TIAM1: variants seen among roughly 807,000 people sequenced by gnomAD.
TIAM1 encodes rho guanine nucleotide exchange factor TIAM1.
TIAM1 carries 65 observed loss-of-function variants against 163.5 expected under a neutral mutation model. The ratio of observed to expected loss-of-function variants is 0.40; its 90% CI spans 0.33 to 0.49. The LOEUF is 0.49. TIAM1 is among the 20% of genes least tolerant of loss of function. The pLI, the probability that TIAM1 is intolerant of heterozygous loss-of-function variation, is 0.77. For missense variants in TIAM1, 1,789 were observed against 2,044.7 expected, an observed-to-expected ratio of 0.87 and a Z score of 2.41; for synonymous variants, 833 against 810.1, an observed-to-expected ratio of 1.03 and a Z score of -0.48.
chr21:31,190,373 C>A (rs1038953222), intron 13 of TIAM1, among the ~76,000 whole-genome samples: 9 of 152,136 alleles, frequency 5.9e-5, no homozygotes, highest in African/African-American at 2.2e-4. Flanking sequence ...GATCCCACCA[C>A]TGCATTCCAG....
intron 1 of TIAM1, among the ~76,000 whole-genome samples, chr21:31,496,170 A>G (rs2046633727): frequency 6.6e-6 from 1 of 151,960 alleles, no homozygotes; most frequent in Admixed American, 6.6e-5. Flanking sequence ...AAAGTAGAAA[A>G]AAGTGTACAG....
At chr21:31,306,199 G>C (rs1009631282) in intron 2 of TIAM1, among the ~76,000 whole-genome samples, 1 of 152,050 alleles carries the variant, frequency 6.6e-6, no homozygotes, top group Non-Finnish European at 1.5e-5. Context: ...GAGGAGGATT[G>C]CTCGAGCCCA....
chr21:31,161,792 C>T (rs757893284), intron 16 of TIAM1, among the ~76,000 whole-genome samples: 18 of 152,118 alleles, frequency 1.2e-4, no homozygotes, highest in Non-Finnish European at 1.9e-4. Flanking sequence ...ATCATGCTTC[C>T]GAGTTTAGAC....
chr21:31,350,396 G>A (rs1472248409), intron 2 of TIAM1, among the ~76,000 whole-genome samples: 1 of 152,138 alleles, frequency 6.6e-6, no homozygotes, highest in Non-Finnish European at 1.5e-5. Flanking sequence ...AATGACGCTG[G>A]CTAAGAAGGT....
At chr21:31,247,451 G>C (rs2071566409) in intron 5 of TIAM1, among the ~76,000 whole-genome samples, 1 of 152,016 alleles carries the variant, frequency 6.6e-6, no homozygotes, top group African/African-American at 2.4e-5. Context: ...CTGGAGTACA[G>C]TGGCACAATC....
chr21:31,233,889 C>A (rs1235760750), intron 6 of TIAM1, among the ~76,000 whole-genome samples: 1 of 152,182 alleles, frequency 6.6e-6, no homozygotes, highest in Admixed American at 6.5e-5. Flanking sequence ...CAGATGGCAG[C>A]CTGCCTGAGG....
chr21:31,504,870 A>C (rs2046975022), intron 1 of TIAM1, among the ~76,000 whole-genome samples: 1 of 152,326 alleles, frequency 6.6e-6, no homozygotes, highest in South Asian at 2.1e-4. Context: ...CCAGAAGCTA[A>C]GAACTTGACA....
At chr21:31,172,992 G>A (rs1327713324) in intron 15 of TIAM1, among the ~76,000 whole-genome samples, 3 of 152,122 alleles carry the variant, frequency 2.0e-5, no homozygotes, top group Non-Finnish European at 4.4e-5. Flanking sequence ...CTGCAAAAAC[G>A]TTTGCAATCA....
intron 2 of TIAM1, among the ~76,000 whole-genome samples, chr21:31,373,401 G>A (rs1300813233): frequency 6.6e-6 from 1 of 152,068 alleles, no homozygotes; most frequent in Non-Finnish European, 1.5e-5. Flanking sequence ...CACATGGCTG[G>A]GGAGGCCTCA....
intron 1 of TIAM1, among the ~76,000 whole-genome samples, chr21:31,508,913 T>C (rs1270381800): frequency 1.3e-5 from 2 of 152,158 alleles, no homozygotes; most frequent in Non-Finnish European, 2.9e-5. Flanking sequence ...TATGACTTGC[T>C]GCAGGACATT....
chr21:31,414,776 G>A (rs1204725032), intron 2 of TIAM1, among the ~76,000 whole-genome samples: 5 of 152,156 alleles, frequency 3.3e-5, no homozygotes, highest in East Asian at 1.9e-4. Flanking sequence ...TTTCCTCAGC[G>A]GGCAAAAACC....
Position 31,195,225 on chromosome 21 carries a change from G to C in TIAM1, c.2574C>G (p.Tyr858Ter). The C allele has an allele frequency of 6.2e-7, 1 of 1,607,616 alleles. No homozygotes were observed. The highest frequency in any genetic ancestry group is 8.5e-7 in the Non-Finnish European group (1 of 1,175,264). Residue 858 changes from tyrosine to a stop codon, truncating the protein, a stop_gained and splice_region_variant, in exon 13 of 28, where the codon TAC becomes TAG. Coordinates refer to ENST00000541036, the MANE Select transcript of TIAM1 (RefSeq NM_001353694.2). LOFTEE classifies it high-confidence loss of function. The stretch of plus-strand genomic sequence containing the variant: ...ACAAACAAAGAAAAATAAACTTACC[G>C]TAAGTATCAGCAGCTGTATCTGACT... ...IEKSDTAADT[Y>*]GFSLSSVEED...
intron 2 of TIAM1, among the ~76,000 whole-genome samples, chr21:31,432,326 C>T (rs2044069190): frequency 1.3e-5 from 2 of 152,232 alleles, no homozygotes; most frequent in African/African-American, 4.8e-5. Context: ...GTCTCGATCT[C>T]CTGACCTCAT....
intron 2 of TIAM1, among the ~76,000 whole-genome samples, chr21:31,421,917 G>A (rs570723783): frequency 1.3e-5 from 2 of 152,218 alleles, no homozygotes; most frequent in African/African-American, 4.8e-5. Flanking sequence ...TTGAGCCCAG[G>A]AGGTCGAGAC....
At chr21:31,428,339 T>C (rs2043873395) in intron 2 of TIAM1, among the ~76,000 whole-genome samples, 1 of 152,210 alleles carries the variant, frequency 6.6e-6, no homozygotes, top group South Asian at 2.1e-4. Context: ...CACTTGTTAA[T>C]ACCCCTTCCT....
chr21:31,432,452 C>T (rs1489853207), intron 2 of TIAM1, among the ~76,000 whole-genome samples: 3 of 152,192 alleles, frequency 2.0e-5, no homozygotes, highest in African/African-American at 7.2e-5. Context: ...TGATGACAGG[C>T]TGGCAGTACC....
Position 31,529,054 on chromosome 21 carries a change from C to T in TIAM1, c.-422+29873G>A, listed in dbSNP as rs184902502. On this transcript the variant is annotated intron_variant, in intron 1 of 28. Coordinates refer to the TIAM1 transcript ENST00000286827. ...CTCCCACCTCAGCCTCCCGAGTAGC[C>T]GGGACTACAGGCGCCCACCATGCCC... Among the ~76,000 whole-genome samples, 1,430 of 150,710 alleles carry T rather than the reference C, an allele frequency of 9.5e-3. 19 individuals are homozygous for T. Among genetic ancestry groups the T allele is most frequent in the South Asian group, 0.042 (196 of 4,718 alleles).
rs59358430 is a variant in TIAM1, at chr21:31,196,478, A to ATTTTTT, written c.2494-1179_2494-1174dup. ...AGGCGTTTGCTACCACATCTGGCTA[A>ATTTTTT]TTTTTTTTTTTTTTGTATTTTTAGT... On this transcript the variant is annotated intron_variant, in intron 12 of 27. Coordinates refer to ENST00000541036, the MANE Select transcript of TIAM1 (RefSeq NM_001353694.2). Among the ~76,000 whole-genome samples, 2,819 of 133,002 alleles carry ATTTTTT rather than the reference A, an allele frequency of 0.021. 200 individuals carry two copies. The East Asian group carries it at 0.24, about 12-fold the overall frequency. The allele number at this position is 133,002 out of a possible 152,430, so 87.3% of individuals were successfully genotyped here.
chr21:31,187,049 T>A lies in TIAM1; in HGVS notation c.2614A>T (p.Arg872Trp). 1 of 1,614,138 alleles carries A rather than the reference T, an allele frequency of 6.2e-7. No individual in the cohort carries two copies. Among genetic ancestry groups the A allele is most frequent in the Non-Finnish European group, 8.5e-7 (1 of 1,180,016 alleles). Residue 872 changes from arginine (R) to tryptophan (W), a missense_variant, in exon 14 of 28, where the codon AGG becomes TGG. Physicochemically the swap from Arg to Trp is moderately radical, Grantham distance 101 (BLOSUM62 -3). Coordinates refer to ENST00000541036, the MANE Select transcript of TIAM1 (RefSeq NM_001353694.2). ...TCCTTCACACTATTCACGTACAGCC[T>A]TCGAATACCATCTTCTTCCACAGAA... ...LSSVEEDGIR[R>W]LYVNSVKETG...
Sources: allele counts gnomAD v4.1 joint callset (sites outside exome capture counted in the v4.1 genomes callset), GRCh38; gene constraint gnomAD v4.1.1; transcripts MANE v1.5; gene names NCBI Gene and HGNC (gene_info 2026-07-23, HGNC 2026-07-21).